NCOA3: variants seen among roughly 807,000 people sequenced by gnomAD.
NCOA3 encodes nuclear receptor coactivator 3, also known as CBP-interacting protein.
Under a neutral mutation model 158.8 loss-of-function variants are expected in NCOA3, and 51 were observed. That is an observed-to-expected ratio of 0.32 (90% CI 0.26 to 0.41). The LOEUF is 0.41. NCOA3 is among the 10% of genes least tolerant of loss of function. NCOA3 has a pLI of 1.00. For synonymous variants in NCOA3, 537 were observed against 592.4 expected, an observed-to-expected ratio of 0.91 and a Z score of 1.36; for missense variants, 1,510 against 1,746.6, an observed-to-expected ratio of 0.86 and a Z score of 2.41.
At chr20:47,523,417 C>T in intron 1 of NCOA3, among the ~76,000 whole-genome samples, 1 of 152,242 alleles carries the variant, frequency 6.6e-6, no homozygotes, top group South Asian at 2.1e-4. Context: ...CAGTTTATGG[C>T]ACCATTTGGA....
At chr20:47,516,190 T>C (rs1446963690) in intron 1 of NCOA3, among the ~76,000 whole-genome samples, 1 of 152,178 alleles carries the variant, frequency 6.6e-6, no homozygotes, top group Non-Finnish European at 1.5e-5. Context: ...CTACACACTC[T>C]GGATGATAAT....
intron 16 of NCOA3, among the ~76,000 whole-genome samples, chr20:47,641,764 G>A (rs1408068232): frequency 6.6e-6 from 1 of 151,942 alleles, no homozygotes; most frequent in Non-Finnish European, 1.5e-5. Flanking sequence ...CAAAGTGCTG[G>A]GATTACAGGC....
intron 2 of NCOA3, among the ~76,000 whole-genome samples, chr20:47,620,688 A>G (rs1421136528): frequency 2.0e-5 from 3 of 152,152 alleles, no homozygotes; most frequent in Non-Finnish European, 4.4e-5. Flanking sequence ...CAAATATTAT[A>G]CTAAGAATAT....
At chr20:47,642,185 T>C in intron 16 of NCOA3, 28 bp from the exon 17 acceptor site, 1 of 1,522,782 alleles carries the variant, frequency 6.6e-7, no homozygotes, top group Non-Finnish European at 8.8e-7. Context: ...AAAAGCACCA[T>C]TGACATTGAT....
intron 1 of NCOA3, among the ~76,000 whole-genome samples, chr20:47,525,920 C>T (rs1159370942): frequency 6.8e-6 from 1 of 147,062 alleles, no homozygotes; most frequent in African/African-American, 2.5e-5. Flanking sequence ...CCGGATGGGG[C>T]GGCTGGCCGG....
intron 2 of NCOA3, among the ~76,000 whole-genome samples, chr20:47,604,267 G>A (rs1031754151): frequency 3.3e-5 from 5 of 152,158 alleles, no homozygotes; most frequent in African/African-American, 1.2e-4. Context: ...TTTTAGAGAA[G>A]ATGAAATTGA....
intron 1 of NCOA3, among the ~76,000 whole-genome samples, chr20:47,508,155 G>T (rs2084058655): frequency 6.6e-6 from 1 of 152,088 alleles, no homozygotes; most frequent in Non-Finnish European, 1.5e-5. Context: ...ATAAGAAAAA[G>T]ACTGTTCTTA....
At position 47,647,192 on chromosome 20, in the gene NCOA3, A is replaced by C; in HGVS notation, c.3372A>C (p.Gly1124=). 4 of 1,614,200 alleles carry C rather than the reference A, an allele frequency of 2.5e-6. No homozygotes were observed. Among genetic ancestry groups the C allele is most frequent in the Non-Finnish European group, 2.5e-6 (3 of 1,180,026 alleles). ...TYPAQGPPMQ[G]GFHLQGQSPS... is the part of the protein sequence containing the mutation. ...CAGCACAGGGGCCTCCAATGCAAGG[A>C]GGCTTTCATCTTCAGGGACAATCAC... Residue 1124 remains glycine, a synonymous_variant, in exon 18 of 23, where the codon GGA becomes GGC. Transcript: ENST00000371998.
rs112313784 is a variant in NCOA3 at position 47,534,115 on chromosome 20, G to T, written c.-99+32096G>T. Among the ~76,000 whole-genome samples, 743 of 150,042 alleles carry T rather than the reference G, an allele frequency of 5.0e-3. 7 individuals are homozygous for T. The highest frequency in any genetic ancestry group is 0.017 in the African/African-American group (692 of 40,806). ...TTTTGTGATGGTTTCAGTGGGGGGG[G>T]CGGGGGGTGAAGAGGGAAGAGAAGA... On this transcript the variant is annotated intron_variant, in intron 1 of 22. Transcript: ENST00000371998.
intron 1 of NCOA3, among the ~76,000 whole-genome samples, chr20:47,549,983 G>C (rs1239255057): frequency 2.0e-5 from 3 of 152,144 alleles, no homozygotes; most frequent in African/African-American, 7.2e-5. Context: ...GGGATTACAG[G>C]CGTGAGCCAC....
intron 2 of NCOA3, among the ~76,000 whole-genome samples, chr20:47,615,273 T>C (rs943282702): frequency 4.6e-5 from 7 of 152,260 alleles, no homozygotes; most frequent in African/African-American, 1.2e-4. Flanking sequence ...TAAAATATTT[T>C]AGTTGGTTTC....
rs760656249 is a variant in NCOA3 at position 47,627,045 on chromosome 20, T to G, written c.401T>G (p.Ile134Ser). The G allele has an allele frequency of 1.9e-6, 3 of 1,613,434 alleles. No homozygotes were observed. The highest frequency in any genetic ancestry group is 2.5e-6 in the Non-Finnish European group (3 of 1,179,726). The change falls in exon 6 of 23, where the codon ATT (isoleucine) becomes AGT (serine). Residue 134 changes from isoleucine (I) to serine (S), a missense_variant. Around this residue, in one of 4 missense-constraint regions of NCOA3, gnomAD observed 309 missense variants for 427.1 expected, o/e 0.72. Coordinates refer to ENST00000371998, the MANE Select transcript of NCOA3 (RefSeq NM_181659.3). ...TTTGTGGTGAATCGAGACGGAAACA[T>G]TGTATTTGTATCAGAAAATGTCACA... is the stretch of plus-strand genomic sequence containing the variant. Reference protein sequence around the residue: ...FLFVVNRDGNIVFVSENVTQY... With the variant: ...FLFVVNRDGNSVFVSENVTQY...
Position 47,612,781 on chromosome 20 carries a change from A to G in NCOA3, c.-19-9448A>G, listed in dbSNP as rs377056666. 2.6e-5 allele frequency among the ~76,000 whole-genome samples: 4 copies of G among 152,330 alleles called. No homozygotes were observed. The East Asian group carries it at 7.7e-4, about 29-fold the overall frequency. On this transcript the variant is annotated intron_variant, in intron 2 of 22. Transcript: ENST00000371998. ...CAAAAGAGTTACCCGGCTAGTTAGT[A>G]TGCTGTCAGGAGAGGGTAACTTGAT...
intron 1 of NCOA3, among the ~76,000 whole-genome samples, chr20:47,509,955 TACATATAGG>T (rs1452004728): frequency 6.6e-6 from 1 of 152,198 alleles, no homozygotes; most frequent in African/African-American, 2.4e-5. Context: ...AGTAGTTGAC[TACATATAGG>T]AAAATCTACC....
At position 47,655,746 on chromosome 20, in the gene NCOA3, T is replaced by G. The variant is rs914430891; in HGVS notation, c.*2329T>G. ...AGAAATAGAATGGTGCTCTTATCTT[T>G]CTTGACTTTAAAAAAATTATTAAAA... is the stretch of plus-strand genomic sequence containing the variant. On this transcript the variant is annotated 3_prime_UTR_variant, in exon 23 of 23. Transcript: ENST00000371998. The G allele has an allele frequency of 2.2e-4, 33 of 152,556 alleles. No individual in the cohort carries two copies. The highest frequency in any genetic ancestry group is 7.2e-4 in the African/African-American group (30 of 41,434). 9.5% of individuals were successfully genotyped at this position (152,556 alleles called of 1,614,324 possible).
intron 1 of NCOA3, among the ~76,000 whole-genome samples, chr20:47,555,809 T>A (rs903642202): frequency 6.6e-5 from 10 of 151,020 alleles, no homozygotes; most frequent in African/African-American, 2.2e-4. Context: ...CGGCTGATTT[T>A]TTTTTTGTAT....
At chr20:47,611,200 C>T (rs186745082) in intron 2 of NCOA3, among the ~76,000 whole-genome samples, 7 of 152,190 alleles carry the variant, frequency 4.6e-5, no homozygotes, top group Admixed American at 4.6e-4. Flanking sequence ...ATCATCTCTC[C>T]TTTACATCTT....
At chr20:47,517,486 T>C (rs2084254601) in intron 1 of NCOA3, among the ~76,000 whole-genome samples, 1 of 149,062 alleles carries the variant, frequency 6.7e-6, no homozygotes, top group Non-Finnish European at 1.5e-5. Flanking sequence ...AGTCTTGCTC[T>C]GTCGCCCAGG....
chr20:47,577,618 C>A (rs939245860), intron 1 of NCOA3, among the ~76,000 whole-genome samples: 1 of 152,152 alleles, frequency 6.6e-6, no homozygotes, highest in African/African-American at 2.4e-5. Context: ...CTGTTTATAC[C>A]TGCTTCCCTT....
Sources: gnomAD v4.1 joint callset for allele counts (sites outside exome capture counted in the v4.1 genomes callset) on GRCh38, gnomAD v4.1.1 for gene constraint, gnomAD v4.1.1 regional missense constraint, MANE v1.5 for transcripts, NCBI Gene and HGNC (gene_info 2026-07-23, HGNC 2026-07-21) for gene names.